The following NADK2 variants were observed in gnomAD, a reference collection of about 807,000 sequenced individuals.
The protein encoded by NADK2 is NAD kinase 2, mitochondrial, also known as NAD kinase domain-containing protein 1, mitochondrial.
NADK2 carries 35 observed loss-of-function variants against 62.1 expected under a neutral mutation model. That is an observed-to-expected ratio of 0.56 (90% confidence interval 0.43 to 0.75). The LOEUF (loss-of-function observed/expected upper bound fraction) is 0.75, where lower values mean the gene tolerates loss of function less well. Ranked by LOEUF, NADK2 falls within the 30% of genes least tolerant of loss-of-function variation. The pLI is 0.00. For missense variants in NADK2, 439 were observed against 561.3 expected, an observed-to-expected ratio of 0.78 and a Z score of 2.20; for synonymous variants, 205 against 207.9, an observed-to-expected ratio of 0.99 and a Z score of 0.12.
intron 6 of NADK2, 87 bp downstream of exon 6, chr5:36,217,661 A>AATTAATC (rs1747094765): frequency 6.9e-6 from 2 of 291,504 alleles, no homozygotes; most frequent in Non-Finnish European, 1.3e-5. Context: ...ACTAAAAACA[A>AATTAATC]GTAAATTATT....
Position 36,241,596 on chromosome 5 carries a change from G to T in NADK2, c.203C>A (p.Pro68His). The change falls in exon 1 of 12, where the codon CCC becomes CAC. Residue 68 changes from proline (P) to histidine (H), a missense_variant. Transcript: ENST00000381937. This position sits in a 1 kb window ranked among gnomAD's most constrained non-coding sequence, Gnocchi z 4.9. Reference protein sequence around the residue: ...CGSRADGGFRPSRVVVVAKTT... With the variant: ...CGSRADGGFRHSRVVVVAKTT... ...TTTGGCCACCACCACCACCCGGGAG[G>T]GGCGGAAGCCGCCGTCCGCGCGGCT... 1 of 1,518,118 alleles carries T rather than the reference G, an allele frequency of 6.6e-7. No individual in the cohort carries two copies. The highest frequency in any genetic ancestry group is 8.7e-7 in the Non-Finnish European group (1 of 1,143,078). 94.0% of individuals were successfully genotyped at this position (1,518,118 alleles called of 1,614,324 possible).
Position 36,205,083 on chromosome 5 carries a change from T to C in NADK2, c.956+2087A>G, listed in dbSNP as rs185808529. Among the ~76,000 whole-genome samples, 1 of 152,140 alleles carries C rather than the reference T, an allele frequency of 6.6e-6. No homozygotes were observed. The highest frequency in any genetic ancestry group is 6.6e-5 in the Admixed American group (1 of 15,242). On this transcript the variant is annotated intron_variant, in intron 8 of 11. Transcript: ENST00000381937. The surrounding 1 kb of genome is among the most constrained non-coding windows in gnomAD (Gnocchi z 4.1). ...TAGTCATTTACTCAAAAAATATTTTTTGAGTGAATATATATAAGGTACTGT... is the reference window on the plus strand; with the variant it reads ...TAGTCATTTACTCAAAAAATATTTTCTGAGTGAATATATATAAGGTACTGT...
chr5:36,226,451 TCTTTA>T lies in NADK2; in HGVS notation c.478+19_478+23del. ...TATTAAACATTTGTATATGCCAACA[TCTTTA>T]CTTCTGTCAAATTATTACCTCCTGC... On this transcript the variant is annotated intron_variant, in intron 3 of 11. Transcript: ENST00000381937. 1 of 1,574,780 alleles carries T rather than the reference TCTTTA, an allele frequency of 6.4e-7. No homozygotes were observed. The highest frequency in any genetic ancestry group is 8.7e-7 in the Non-Finnish European group (1 of 1,145,924).
intron 7 of NADK2, 63 bp downstream of exon 7, chr5:36,211,781 A>C (rs1746854683): frequency 8.7e-6 from 12 of 1,371,670 alleles, no homozygotes; most frequent in African/African-American, 1.4e-5. Context: ...GTAGAAACTG[A>C]ATAAATATCC....
At chr5:36,197,245 T>C (rs1485475630) in intron 11 of NADK2, among the ~76,000 whole-genome samples, 1 of 152,094 alleles carries the variant, frequency 6.6e-6, no homozygotes, top group African/African-American at 2.4e-5. Context: ...CAGCTTCTTT[T>C]ACAATTATTG....
At position 36,219,638 on chromosome 5, in the gene NADK2, G is replaced by GA; in HGVS notation, c.601dup (p.Ser201PhefsTer13). 1 of 1,614,064 alleles carries GA rather than the reference G, an allele frequency of 6.2e-7. No individual in the cohort carries two copies. The highest frequency in any genetic ancestry group is 8.5e-7 in the Non-Finnish European group (1 of 1,179,966). ...GAACTTCTGTAAGGCTTCTGGAAAG[G>GA]AATGTGTATATCGAACGGGCAGGCA... is the stretch of plus-strand genomic sequence containing the variant. On this transcript the variant is annotated frameshift_variant, in exon 5 of 12. Transcript: ENST00000381937. LOFTEE classifies it high-confidence loss of function.
rs564171895 is a variant in NADK2, at chr5:36,228,706, C to T, written c.301-1141G>A. On this transcript the variant is annotated intron_variant, in intron 1 of 11. Transcript: ENST00000381937. ...TGATCTCAGCTTACTGCAACCTCTG[C>T]CTCCCGGACTCAAGCCGCCCTCCCA... 9.2e-5 allele frequency among the ~76,000 whole-genome samples: 14 copies of T among 151,900 alleles called. No individual in the cohort carries two copies. The East Asian group carries it at 2.3e-3, about 25-fold the overall frequency.
upstream of NADK2, chr5:36,242,008 G>C (rs1045875236): frequency 2.3e-5 from 6 of 264,092 alleles, no homozygotes; most frequent in Admixed American, 1.7e-4. Context: ...TGGGAAACGG[G>C]AGACCCCACG....
In NADK2 at chr5:36,226,585, T is replaced by C. The variant is rs1267687338; in HGVS notation, c.390-22A>G. 5 of 1,544,914 alleles carry C rather than the reference T, an allele frequency of 3.2e-6. No individual in the cohort carries two copies. In the Admixed American group the frequency reaches 8.4e-5, roughly 26 times the overall value. On this transcript the variant is annotated intron_variant, in intron 2 of 11. Coordinates refer to ENST00000381937, the MANE Select transcript of NADK2 (RefSeq NM_001085411.3). ...ATTCCTAGGATAAAAAAGGAAAGGT[T>C]ATATGAAATTTCCACTAATAATATA...
intron 1 of NADK2, among the ~76,000 whole-genome samples, chr5:36,234,298 G>A (rs998620500): frequency 1.4e-5 from 2 of 147,540 alleles, no homozygotes; most frequent in Admixed American, 1.4e-4. Context: ...GCGTGAACCC[G>A]GGAGGCGGAG....
At chr5:36,226,451 T>C in intron 3 of NADK2, 24 bp downstream of exon 3, 1 of 1,574,780 alleles carries the variant, frequency 6.4e-7, no homozygotes, top group Non-Finnish European at 8.7e-7. Flanking sequence ...TATGCCAACA[T>C]CTTTACTTCT....
At chr5:36,239,627 A>G (rs897185713) in intron 1 of NADK2, among the ~76,000 whole-genome samples, 2 of 152,174 alleles carry the variant, frequency 1.3e-5, no homozygotes, top group Non-Finnish European at 1.5e-5. Flanking sequence ...CTACATTTTA[A>G]AAGTTTTTTT....
chr5:36,232,890 C>T (rs1747757113), intron 1 of NADK2, among the ~76,000 whole-genome samples: 1 of 152,118 alleles, frequency 6.6e-6, no homozygotes, highest in Admixed American at 6.5e-5. Context: ...CAAATGCTAC[C>T]TTTACATCCA....
chr5:36,224,334 A>ATC (rs1747395428), intron 4 of NADK2, among the ~76,000 whole-genome samples: 2 of 152,166 alleles, frequency 1.3e-5, no homozygotes, highest in African/African-American at 4.8e-5. Flanking sequence ...AGGTGGGTGG[A>ATC]TCACTTGAGA....
At chr5:36,210,437 G>T (rs997588652) in intron 7 of NADK2, among the ~76,000 whole-genome samples, 1 of 151,998 alleles carries the variant, frequency 6.6e-6, no homozygotes, top group African/African-American at 2.4e-5. Context: ...TTGCAATAAT[G>T]GTTATAATCT....
intron 7 of NADK2, among the ~76,000 whole-genome samples, chr5:36,208,231 T>C (rs951153381): frequency 6.6e-6 from 1 of 152,136 alleles, no homozygotes; most frequent in Non-Finnish European, 1.5e-5. Context: ...ATACAACTCC[T>C]TTTCACTTTT....
intron 6 of NADK2, 73 bp from the exon 7 acceptor site, chr5:36,211,995 A>G (rs1367739339): frequency 1.8e-5 from 20 of 1,094,656 alleles, no homozygotes; most frequent in Middle Eastern, 2.0e-4. Context: ...AAATTTTATA[A>G]AACACTACAA....
intron 6 of NADK2, among the ~76,000 whole-genome samples, chr5:36,215,877 T>C (rs1339179126): frequency 6.6e-6 from 1 of 152,182 alleles, no homozygotes; most frequent in African/African-American, 2.4e-5. Flanking sequence ...ACTTGGCTAT[T>C]GTGAATAGGG....
At chr5:36,201,728 G>C (rs924045278) in intron 8 of NADK2, among the ~76,000 whole-genome samples, 1 of 151,926 alleles carries the variant, frequency 6.6e-6, no homozygotes, top group Non-Finnish European at 1.5e-5. Flanking sequence ...TGAAATGAAA[G>C]GGAGACTAGC....
Sources: allele counts gnomAD v4.1 joint callset (sites outside exome capture counted in the v4.1 genomes callset), GRCh38; gene constraint gnomAD v4.1.1; non-coding constraint Gnocchi (gnomAD v3.1); transcripts MANE v1.5; gene names NCBI Gene and HGNC (gene_info 2026-07-23, HGNC 2026-07-21).